Variants in GRM7 observed in about 807,000 individuals in gnomAD.
The protein encoded by GRM7 is glutamate metabotropic receptor 7.
In GRM7, 35 loss-of-function variants were observed where a neutral mutation model predicts 84.5. The ratio of observed to expected loss-of-function variants is 0.41; its 90% CI spans 0.32 to 0.55. The LOEUF is 0.55. Ranked by LOEUF, GRM7 falls within the 20% of genes least tolerant of loss-of-function variation. The pLI is 0.19. For missense variants in GRM7, 1,003 were observed against 1,194.6 expected, an observed-to-expected ratio of 0.84 and a Z score of 2.36; for synonymous variants, 487 against 455.1, an observed-to-expected ratio of 1.07 and a Z score of -0.89.
intron 4 of GRM7, among the ~76,000 whole-genome samples, chr3:7,367,654 C>A (rs959284460): frequency 3.3e-5 from 5 of 151,500 alleles, no homozygotes; most frequent in African/African-American, 4.8e-5. Context: ...ATAATTCTTC[C>A]AATATCTTAT....
intron 9 of GRM7, 136 bp downstream of exon 9, chr3:7,680,431 G>T: frequency 2.5e-6 from 2 of 803,678 alleles, no homozygotes; most frequent in Non-Finnish European, 4.0e-6. Context: ...GTGAATGCCA[G>T]CTTCTGCTCT....
chr3:7,003,203 T>C (rs560617862), intron 1 of GRM7, among the ~76,000 whole-genome samples: 2 of 152,264 alleles, frequency 1.3e-5, no homozygotes, highest in African/African-American at 4.8e-5. Flanking sequence ...AATAATAACA[T>C]ATAGTAGATT....
rs150175407 is a variant in GRM7, at chr3:7,371,721, A to G, written c.1034-43302A>G. On this transcript the variant is annotated intron_variant, in intron 4 of 9. Coordinates refer to ENST00000357716, the MANE Select transcript of GRM7 (RefSeq NM_000844.4). ...TCCTCTATGGACATATGCATTAAGT[A>G]GTAGAGCTGGGATTTGCACTCAGGT... is the stretch of plus-strand genomic sequence containing the variant. 3.0e-3 allele frequency among the ~76,000 whole-genome samples: 459 copies of G among 152,240 alleles called. 1 individual carries two copies. The highest frequency in any genetic ancestry group is 5.6e-3 in the Admixed American group (85 of 15,274).
intron 1 of GRM7, among the ~76,000 whole-genome samples, chr3:6,889,819 C>G (rs1399789195): frequency 6.6e-6 from 1 of 152,130 alleles, no homozygotes; most frequent in Non-Finnish European, 1.5e-5. Flanking sequence ...ACCAGTTCCT[C>G]CTTGTACTTC....
At chr3:7,460,039 T>C (rs1698176344) in intron 6 of GRM7, among the ~76,000 whole-genome samples, 1 of 136,232 alleles carries the variant, frequency 7.3e-6, no homozygotes, top group South Asian at 2.4e-4. Flanking sequence ...TGAATATTCA[T>C]ATTCAAATGA....
intron 2 of GRM7, among the ~76,000 whole-genome samples, chr3:7,161,590 T>G (rs760501497): frequency 2.6e-5 from 4 of 152,192 alleles, no homozygotes; most frequent in Non-Finnish European, 5.9e-5. Context: ...CATCATAGAT[T>G]AAATCTATAA....
At chr3:7,421,661 G>T (rs1696399706) in intron 5 of GRM7, among the ~76,000 whole-genome samples, 1 of 151,764 alleles carries the variant, frequency 6.6e-6, no homozygotes, top group Non-Finnish European at 1.5e-5. Context: ...CCTGCCCTTA[G>T]TAGTGAAGAT....
intron 4 of GRM7, among the ~76,000 whole-genome samples, chr3:7,407,949 A>G (rs950390760): frequency 1.3e-5 from 2 of 152,212 alleles, no homozygotes; most frequent in African/African-American, 4.8e-5. Context: ...GCTTACATTT[A>G]CACACTTACA....
At chr3:7,050,970 A>G (rs1057415281) in intron 1 of GRM7, among the ~76,000 whole-genome samples, 11 of 151,890 alleles carry the variant, frequency 7.2e-5, no homozygotes, top group African/African-American at 2.4e-4. Flanking sequence ...TAAGCTCCAC[A>G]GGACTGTGAG....
intron 8 of GRM7, among the ~76,000 whole-genome samples, chr3:7,658,934 T>G (rs1220771238): frequency 6.6e-6 from 1 of 152,230 alleles, no homozygotes; most frequent in Admixed American, 6.5e-5. Flanking sequence ...TCATTTTACA[T>G]AAATATAATA....
chr3:7,563,809 C>T (rs1251987635), intron 7 of GRM7, among the ~76,000 whole-genome samples: 1 of 152,128 alleles, frequency 6.6e-6, no homozygotes, highest in African/African-American at 2.4e-5. Context: ...AGTAAACTCA[C>T]ACTTGCCTTC....
chr3:7,210,792 C>A lies in GRM7; in HGVS notation c.736+64124C>A, dbSNP rs1696397108. 2.9e-5 allele frequency among the ~76,000 whole-genome samples: 3 copies of A among 102,532 alleles called. No homozygotes were observed. The South Asian group carries it at 1.0e-3, about 35-fold the overall frequency. 67.3% of individuals were successfully genotyped at this position (102,532 alleles called of 152,430 possible). ...AGCGATAAAGACAATTATGAACATG[C>A]TGTGTATTGTTTTTTTTTTTTTTTG... is the stretch of plus-strand genomic sequence containing the variant. On this transcript the variant is annotated intron_variant, in intron 2 of 9. Coordinates refer to ENST00000357716, the MANE Select transcript of GRM7 (RefSeq NM_000844.4).
intron 7 of GRM7, among the ~76,000 whole-genome samples, chr3:7,517,514 T>C (rs1700437874): frequency 6.6e-6 from 1 of 152,030 alleles, no homozygotes; most frequent in African/African-American, 2.4e-5. Flanking sequence ...TGCCTCCGCC[T>C]CTCGAGTAGC....
intron 1 of GRM7, among the ~76,000 whole-genome samples, chr3:7,095,716 A>G (rs1395944313): frequency 6.6e-6 from 1 of 152,134 alleles, no homozygotes; most frequent in Non-Finnish European, 1.5e-5. Context: ...GAGTGGGATC[A>G]GTATTTTGTT....
chr3:6,983,690 T>C (rs1228342233), intron 1 of GRM7, among the ~76,000 whole-genome samples: 1 of 152,172 alleles, frequency 6.6e-6, no homozygotes, highest in African/African-American at 2.4e-5. Flanking sequence ...AACCATGCAG[T>C]TCATCTATAA....
intron 1 of GRM7, among the ~76,000 whole-genome samples, chr3:7,114,923 A>T (rs1692980515): frequency 6.6e-6 from 1 of 152,114 alleles, no homozygotes; most frequent in Non-Finnish European, 1.5e-5. Flanking sequence ...GCAGCATGGC[A>T]TGCTATCACC....
intron 4 of GRM7, among the ~76,000 whole-genome samples, chr3:7,323,687 G>C (rs141671779): frequency 6.6e-6 from 1 of 152,236 alleles, no homozygotes; most frequent in East Asian, 1.9e-4. Flanking sequence ...CAAGTCAATG[G>C]CCACATAACG....
chr3:7,696,475 C>A (rs760079806), intron 9 of GRM7, among the ~76,000 whole-genome samples: 15 of 152,056 alleles, frequency 9.9e-5, no homozygotes, highest in Non-Finnish European at 1.9e-4. Flanking sequence ...TAGTCACCAC[C>A]CAAATGGAAG....
In GRM7 at chr3:7,441,071, A is replaced by C. The variant is rs185007944; in HGVS notation, c.1175-11536A>C. ...TTTTAAGCTCTTTGAGAAATGACCA[A>C]ACTGCTTTCCACAGTGGCTGAACTA... On this transcript the variant is annotated intron_variant, in intron 5 of 9. Transcript: ENST00000357716. Among the ~76,000 whole-genome samples the C allele has an allele frequency of 4.7e-4, 71 of 152,266 alleles. No homozygotes were observed. The East Asian group carries it at 0.014, about 29-fold the overall frequency.
Sources: allele counts gnomAD v4.1 joint callset (sites outside exome capture counted in the v4.1 genomes callset), GRCh38; gene constraint gnomAD v4.1.1; transcripts MANE v1.5; gene names NCBI Gene and HGNC (gene_info 2026-07-23, HGNC 2026-07-21).